Variants in PLCG2 observed in about 807,000 individuals in gnomAD.
The protein encoded by PLCG2 is 1-phosphatidylinositol 4,5-bisphosphate phosphodiesterase gamma-2.
In PLCG2, 69 loss-of-function variants were observed where a neutral mutation model predicts 175.6. The observed-to-expected ratio is 0.39, with a 90% CI of 0.32 to 0.48. The LOEUF (loss-of-function observed/expected upper bound fraction) is 0.48. PLCG2 is among the 20% of genes least tolerant of loss of function. The pLI, the probability that PLCG2 is intolerant of heterozygous loss-of-function variation, is 0.91. For missense variants in PLCG2, 1,798 were observed against 1,650.9 expected (o/e 1.09, Z -1.54); for synonymous variants, 827 against 624.0 (o/e 1.33, Z -4.85).
At chr16:81,836,024 C>T (rs1169353180) in intron 2 of PLCG2, among the ~76,000 whole-genome samples, 2 of 152,212 alleles carry the variant, frequency 1.3e-5, no homozygotes, top group African/African-American at 4.8e-5. Flanking sequence ...CACATTCACA[C>T]ATACCAGGGA....
At chr16:81,832,455 T>C (rs1905299524) in intron 2 of PLCG2, among the ~76,000 whole-genome samples, 1 of 152,354 alleles carries the variant, frequency 6.6e-6, no homozygotes, top group Non-Finnish European at 1.5e-5. Context: ...AGTGGCATGA[T>C]CACGGCTCAC....
At chr16:81,937,576 C>T (rs1187486534) in intron 27 of PLCG2, 182 bp from the exon 28 acceptor site, 2 of 438,032 alleles carry the variant, frequency 4.6e-6, no homozygotes, top group Middle Eastern at 4.5e-4. Context: ...AAAGGTGTTC[C>T]CCAGTCTGGG....
chr16:81,760,758 AAT>A (rs1491142326), intron 2 of PLCG2, among the ~76,000 whole-genome samples: 38 of 140,772 alleles, frequency 2.7e-4, no homozygotes, highest in Middle Eastern at 3.7e-3. Flanking sequence ...TAAAAAAAAA[AAT>A]AATAATAATA....
chr16:81,904,897 T>G (rs74369165), intron 14 of PLCG2, among the ~76,000 whole-genome samples: 1 of 152,210 alleles, frequency 6.6e-6, no homozygotes, highest in African/African-American at 2.4e-5. Context: ...TACTTATTTA[T>G]TTTTTACTGG....
chr16:81,851,071 C>T (rs1205606107), intron 2 of PLCG2, among the ~76,000 whole-genome samples: 1 of 152,168 alleles, frequency 6.6e-6, no homozygotes, highest in Non-Finnish European at 1.5e-5. Context: ...AGTCCTTTCT[C>T]TACTTTCTCT....
chr16:81,900,795 T>A lies in PLCG2; in HGVS notation c.1362+15T>A. On this transcript the variant is annotated intron_variant, in intron 14 of 32. Transcript: ENST00000564138. ...TCATCATCAAGGTAGGCACCCCGGG[T>A]GCTGCTGTTGGCTGTCCAGGGAGCC... 1.3e-6 allele frequency: 2 copies of A among 1,589,970 alleles called. No homozygotes were observed. Among genetic ancestry groups the A allele is most frequent in the East Asian group, 4.5e-5 (2 of 44,118 alleles).
chr16:81,883,105 G>C (rs1306299568), intron 8 of PLCG2, among the ~76,000 whole-genome samples, 164 bp from the exon 9 acceptor site: 1 of 152,120 alleles, frequency 6.6e-6, no homozygotes, highest in Non-Finnish European at 1.5e-5. Flanking sequence ...GAGGGACATT[G>C]TGTCACTCAC....
intron 2 of PLCG2, among the ~76,000 whole-genome samples, chr16:81,848,016 A>G (rs1187419353): frequency 1.3e-5 from 2 of 152,218 alleles, no homozygotes; most frequent in African/African-American, 4.8e-5. Context: ...CAAAGGTTAT[A>G]TGGAAAGGTG....
At chr16:81,851,533 G>C (rs1906410274) in intron 2 of PLCG2, among the ~76,000 whole-genome samples, 1 of 151,886 alleles carries the variant, frequency 6.6e-6, no homozygotes, top group Admixed American at 6.6e-5. Flanking sequence ...TTGTTGTTGA[G>C]GCGAAGTCTC....
chr16:81,899,788 T>TAA lies in PLCG2; in HGVS notation c.1194-824_1194-823insAA, dbSNP rs796476767. ...TTGGTTCAGGCACGAATTACAGTGA[T>TAA]GCTGGCTGTGAGCCCAGTGTCAGTC... On this transcript the variant is annotated intron_variant, in intron 13 of 32. Transcript: ENST00000564138. Among the ~76,000 whole-genome samples, 181 of 152,366 alleles carry TAA rather than the reference T, an allele frequency of 1.2e-3. 1 individual carries two copies. Among genetic ancestry groups the TAA allele is most frequent in the African/African-American group, 4.1e-3 (169 of 41,592 alleles).
At position 81,910,504 on chromosome 16, in the gene PLCG2, C is replaced by G. The variant is rs200892679; in HGVS notation, c.1734-16C>G. Reference sequence around the variant, plus strand: ...GCCTGCGTTCTCCCAGCACTGATGGCGTCCTCTCCCCGCAGGCGGTCAGGC... The same window carrying G: ...GCCTGCGTTCTCCCAGCACTGATGGGGTCCTCTCCCCGCAGGCGGTCAGGC... On this transcript the variant is annotated splice_polypyrimidine_tract_variant and intron_variant, in intron 17 of 32. Transcript: ENST00000564138. 1.2e-6 allele frequency: 2 copies of G among 1,612,198 alleles called. No homozygotes were observed. Among genetic ancestry groups the G allele is most frequent in the Non-Finnish European group, 8.5e-7 (1 of 1,179,028 alleles).
At chr16:81,816,651 A>T (rs1239904954) in intron 2 of PLCG2, among the ~76,000 whole-genome samples, 1 of 108,876 alleles carries the variant, frequency 9.2e-6, no homozygotes. Flanking sequence ...GCTAATTTTA[A>T]TTTTTTTTTT....
At chr16:81,916,506 A>T (rs1909848376) in intron 19 of PLCG2, among the ~76,000 whole-genome samples, 1 of 152,194 alleles carries the variant, frequency 6.6e-6, no homozygotes, top group Non-Finnish European at 1.5e-5. Flanking sequence ...TATCATGTAC[A>T]ACATGGTGTT....
At chr16:81,852,042 A>C (rs926696398) in intron 2 of PLCG2, 1 of 152,198 alleles carries the variant, frequency 6.6e-6, no homozygotes, top group Non-Finnish European at 1.5e-5. Flanking sequence ...CCTCTTCCTT[A>C]ATTCCAGGCC....
At chr16:81,808,085 T>C (rs186137997) in intron 2 of PLCG2, among the ~76,000 whole-genome samples, 18 of 152,360 alleles carry the variant, frequency 1.2e-4, no homozygotes, top group Admixed American at 1.0e-3. Context: ...CTATTATGAA[T>C]AGTGCTGCTG....
intron 10 of PLCG2, among the ~76,000 whole-genome samples, chr16:81,889,630 C>G (rs924669219): frequency 6.6e-6 from 1 of 151,790 alleles, no homozygotes; most frequent in Non-Finnish European, 1.5e-5. Flanking sequence ...GCTGGAGTTT[C>G]GTTTTTTTAT....
chr16:81,765,675 C>A (rs1048703716), intron 2 of PLCG2, among the ~76,000 whole-genome samples: 1 of 50,516 alleles, frequency 2.0e-5, no homozygotes, highest in Non-Finnish European at 6.7e-5. Context: ...CTTTTGACCC[C>A]GGGGTCTCAG....
chr16:81,813,038 C>G (rs903474444), intron 2 of PLCG2, among the ~76,000 whole-genome samples: 1 of 152,134 alleles, frequency 6.6e-6, no homozygotes, highest in Non-Finnish European at 1.5e-5. Context: ...GTCTGTATAT[C>G]TATTTTGGTA....
chr16:81,799,631 C>T (rs971092931), intron 2 of PLCG2, among the ~76,000 whole-genome samples: 2 of 143,464 alleles, frequency 1.4e-5, no homozygotes, highest in Non-Finnish European at 3.0e-5. Context: ...CAGAGTCTCG[C>T]TCTATTGCCC....
Sources: gnomAD v4.1 joint callset for allele counts (sites outside exome capture counted in the v4.1 genomes callset) on GRCh38, gnomAD v4.1.1 for gene constraint, MANE v1.5 for transcripts, NCBI Gene and HGNC (gene_info 2026-07-23, HGNC 2026-07-21) for gene names.